GALM: variants seen among roughly 807,000 people sequenced by gnomAD.
GALM encodes aldose 1-epimerase.
A neutral mutation model predicts 37.4 loss-of-function variants in GALM; 43 were observed. The ratio of observed to expected loss-of-function variants is 1.15; its 90% CI spans 0.90 to 1.48. GALM has a LOEUF of 1.48. Ranked by LOEUF, GALM falls within the 40% of genes most tolerant of loss-of-function variation. The pLI is 0.00. For missense variants in GALM, 456 were observed against 419.1 expected (o/e 1.09, Z -0.77); for synonymous variants, 199 against 170.6 (o/e 1.17, Z -1.30).
chr2:38,727,769 C>A (rs960017291), intron 4 of GALM, among the ~76,000 whole-genome samples: 1 of 151,566 alleles, frequency 6.6e-6, no homozygotes, highest in Non-Finnish European at 1.5e-5. Flanking sequence ...GAAATGTCCT[C>A]TTTTACTCAG....
intron 4 of GALM, among the ~76,000 whole-genome samples, chr2:38,712,609 G>C (rs867046550): frequency 6.6e-6 from 1 of 152,178 alleles, no homozygotes. Flanking sequence ...AATCCCCGCA[G>C]ATAGTTAGAT....
chr2:38,713,636 G>C lies in GALM; in HGVS notation c.635-15920G>C, dbSNP rs151220042. Among the ~76,000 whole-genome samples, 1,495 of 152,242 alleles carry C rather than the reference G, an allele frequency of 9.8e-3. 15 individuals are homozygous for C. Among genetic ancestry groups the C allele is most frequent in the African/African-American group, 0.034 (1,393 of 41,530 alleles). ...GGTTGAAATCTTGTCAGGTGTGCTGGCTCACATTTGTAATCCCAGCACTTT... is the reference window on the plus strand; with the variant it reads ...GGTTGAAATCTTGTCAGGTGTGCTGCCTCACATTTGTAATCCCAGCACTTT... On this transcript the variant is annotated intron_variant, in intron 4 of 6. Coordinates refer to ENST00000272252, the MANE Select transcript of GALM (RefSeq NM_138801.3).
chr2:38,724,117 C>T (rs919666941), intron 4 of GALM, among the ~76,000 whole-genome samples: 21 of 152,148 alleles, frequency 1.4e-4, no homozygotes, highest in Admixed American at 9.8e-4. Context: ...CAGGGTTTCA[C>T]CATGTTGGCC....
At chr2:38,732,338 G>A (rs1359097773) in intron 6 of GALM, among the ~76,000 whole-genome samples, 2 of 152,158 alleles carry the variant, frequency 1.3e-5, no homozygotes, top group East Asian at 1.9e-4. Flanking sequence ...GATTATAGGC[G>A]TGAGCCACTG....
At chr2:38,672,204 A>T (rs938846964) in intron 1 of GALM, among the ~76,000 whole-genome samples, 5 of 152,220 alleles carry the variant, frequency 3.3e-5, no homozygotes, top group African/African-American at 1.2e-4. Flanking sequence ...TCCAACACCC[A>T]GTGTGCCTCT....
chr2:38,721,599 G>A (rs1666376744), intron 4 of GALM, among the ~76,000 whole-genome samples: 1 of 152,068 alleles, frequency 6.6e-6, no homozygotes, highest in African/African-American at 2.4e-5. Context: ...CTGCAGCCTT[G>A]ACCTCCCAGG....
intron 3 of GALM, among the ~76,000 whole-genome samples, chr2:38,682,783 C>A (rs960001690): frequency 2.0e-5 from 3 of 151,840 alleles, no homozygotes; most frequent in African/African-American, 4.8e-5. Flanking sequence ...GTAATCCCAG[C>A]TATTCGGGAG....
Position 38,676,114 on chromosome 2 carries a change from A to G in GALM, c.345+48A>G, listed in dbSNP as rs1420397551. 3.8e-6 allele frequency: 6 copies of G among 1,591,134 alleles called. 1 individual carries two copies. Among genetic ancestry groups the G allele is most frequent in the East Asian group, 4.5e-5 (2 of 44,652 alleles). On this transcript the variant is annotated intron_variant, in intron 2 of 6. Transcript: ENST00000272252. ...AGTTCCCTTTAGGCTCACTTTACGC[A>G]TACCTTCTGCTTGCCAGGCACAGTC...
At position 38,666,134 on chromosome 2, in the gene GALM, C is replaced by T. The variant is rs751086659; in HGVS notation, c.-28C>T. 1.3e-5 allele frequency: 21 copies of T among 1,588,320 alleles called. No homozygotes were observed. In the East Asian group the frequency reaches 3.8e-4, roughly 29 times the overall value. On this transcript the variant is annotated 5_prime_UTR_variant, in exon 1 of 7. Coordinates refer to ENST00000272252, the MANE Select transcript of GALM (RefSeq NM_138801.3). ...CGAGCGCTGGAGTTTGAAGAGCGGG[C>T]AGTGGCTGCACACGCCAAACTTTCC...
At chr2:38,701,046 G>C (rs1665907227) in intron 4 of GALM, among the ~76,000 whole-genome samples, 1 of 152,212 alleles carries the variant, frequency 6.6e-6, no homozygotes, top group Non-Finnish European at 1.5e-5. Context: ...CAGGCATTTA[G>C]CTTCAGGACC....
chr2:38,690,129 A>G (rs1665637448), intron 4 of GALM, among the ~76,000 whole-genome samples: 1 of 152,206 alleles, frequency 6.6e-6, no homozygotes, highest in Non-Finnish European at 1.5e-5. Flanking sequence ...CTGTAAGTCT[A>G]AAATTATTTC....
At chr2:38,679,260 T>C (rs192283583) in intron 2 of GALM, among the ~76,000 whole-genome samples, 124 of 152,300 alleles carry the variant, frequency 8.1e-4, no homozygotes, top group African/African-American at 2.9e-3. Flanking sequence ...GTGCTGTGAT[T>C]ACAAGTGTGA....
intron 4 of GALM, among the ~76,000 whole-genome samples, chr2:38,707,492 A>G (rs952531436): frequency 6.6e-6 from 1 of 152,186 alleles, no homozygotes; most frequent in Admixed American, 6.5e-5. Context: ...AACAGTGTCA[A>G]TACTCCAGGG....
At chr2:38,698,244 G>T in intron 4 of GALM, 1 of 380,580 alleles carries the variant, frequency 2.6e-6, no homozygotes, top group South Asian at 2.1e-5. Flanking sequence ...TAAATGAATA[G>T]AATTCATCAC....
At chr2:38,712,941 C>T (rs1167881418) in intron 4 of GALM, among the ~76,000 whole-genome samples, 1 of 152,200 alleles carries the variant, frequency 6.6e-6, no homozygotes, top group East Asian at 1.9e-4. Context: ...TGATTTCTCC[C>T]CTCTCTCCTT....
rs1572549570 is a variant in GALM, at chr2:38,733,800, C to A, written c.*235C>A. ...CAGTTCAGAGGGCAAGTGAACCCAA[C>A]CAACAATGTCGTCATCTAAGCCCTG... On this transcript the variant is annotated 3_prime_UTR_variant, in exon 7 of 7. Coordinates refer to ENST00000272252, the MANE Select transcript of GALM (RefSeq NM_138801.3). 5.9e-6 allele frequency: 3 copies of A among 505,928 alleles called. No homozygotes were observed. The highest frequency in any genetic ancestry group is 2.0e-5 in the South Asian group (1 of 49,750). The allele number at this position is 505,928 out of a possible 1,614,324, so 31.3% of individuals were successfully genotyped here. A position where few individuals can be genotyped will look rare whatever the true frequency, so the allele number is the denominator to read the frequency against.
intron 4 of GALM, among the ~76,000 whole-genome samples, chr2:38,727,109 G>A (rs1270425186): frequency 2.0e-5 from 3 of 151,690 alleles, no homozygotes; most frequent in Non-Finnish European, 4.4e-5. Context: ...CCATCTGTTT[G>A]GGAGGCTGAG....
chr2:38,666,511 G>C (rs1664941515), intron 1 of GALM, among the ~76,000 whole-genome samples, 160 bp downstream of exon 1: 1 of 152,248 alleles, frequency 6.6e-6, no homozygotes, highest in Admixed American at 6.5e-5. Flanking sequence ...GGGCCGTGTG[G>C]CCATCCAGCA....
At chr2:38,669,391 C>T (rs1665030205) in intron 1 of GALM, 1 of 152,294 alleles carries the variant, frequency 6.6e-6, no homozygotes, top group South Asian at 2.1e-4. Context: ...TCGATCACGA[C>T]CCTCTCACGC....
Sources: allele counts gnomAD v4.1 joint callset (sites outside exome capture counted in the v4.1 genomes callset), GRCh38; gene constraint gnomAD v4.1.1; transcripts MANE v1.5; gene names NCBI Gene and HGNC (gene_info 2026-07-23, HGNC 2026-07-21).